Variants in RALGPS1 observed in about 807,000 individuals in gnomAD.
The protein encoded by RALGPS1 is Ral GEF with PH domain and SH3 binding motif 1.
In RALGPS1, 19 loss-of-function variants were observed where a neutral mutation model predicts 78.8. The observed-to-expected ratio is 0.24, with a 90% CI of 0.17 to 0.35. The LOEUF (loss-of-function observed/expected upper bound fraction) is 0.35. Ranked by LOEUF, RALGPS1 falls within the 10% of genes least tolerant of loss-of-function variation. RALGPS1 has a pLI of 1.00. For synonymous variants in RALGPS1, 228 were observed against 256.3 expected (o/e 0.89, Z 1.06); for missense variants, 454 against 688.3 (o/e 0.66, Z 3.81).
intron 4 of RALGPS1, among the ~76,000 whole-genome samples, chr9:127,001,697 A>G (rs1473023821): frequency 1.3e-5 from 2 of 152,132 alleles, no homozygotes; most frequent in Admixed American, 1.3e-4. Flanking sequence ...CAGCCTGGCC[A>G]ACATGGTGAA....
intron 4 of RALGPS1, 101 bp downstream of exon 4, chr9:126,977,846 C>G (rs1358842664): frequency 1.3e-6 from 1 of 785,696 alleles, no homozygotes; most frequent in African/African-American, 1.8e-5. Context: ...CTTGCAGGCT[C>G]TATAAATGCA....
In RALGPS1 at chr9:127,122,143, G is replaced by A. The variant is rs999445388; in HGVS notation, c.611-43926G>A. Among the ~76,000 whole-genome samples the A allele has an allele frequency of 1.3e-5, 2 of 152,174 alleles. No individual in the cohort carries two copies. Among genetic ancestry groups the A allele is most frequent in the African/African-American group, 4.8e-5 (2 of 41,442 alleles). On this transcript the variant is annotated intron_variant, in intron 8 of 18. Transcript: ENST00000259351. This position sits in a 1 kb window ranked among gnomAD's most constrained non-coding sequence, Gnocchi z 6.4. Reference sequence around the variant, plus strand: ...CCCCAAACACCACCAAATGTCCACAGGTTCTGCCCCGGACATGCCTCGTTT... The same window carrying A: ...CCCCAAACACCACCAAATGTCCACAAGTTCTGCCCCGGACATGCCTCGTTT...
intron 6 of RALGPS1, among the ~76,000 whole-genome samples, chr9:127,051,109 A>G (rs1394036920): frequency 6.6e-6 from 1 of 152,198 alleles, no homozygotes; most frequent in East Asian, 1.9e-4. Flanking sequence ...GGTTAAGTGC[A>G]TCATCTATTT....
intron 4 of RALGPS1, among the ~76,000 whole-genome samples, chr9:127,030,532 C>T (rs2046338995): frequency 6.6e-6 from 1 of 151,998 alleles, no homozygotes. Context: ...TACAGGGGAG[C>T]AGAGAGCAGG....
chr9:126,963,363 G>A (rs530535732), intron 2 of RALGPS1, among the ~76,000 whole-genome samples: 64 of 151,394 alleles, frequency 4.2e-4, no homozygotes, highest in South Asian at 6.3e-4. Context: ...GTGTGTGTGT[G>A]TATATATATA....
At position 127,069,366 on chromosome 9, in the gene RALGPS1, T is replaced by G. The variant is rs767651973; in HGVS notation, c.610+10T>G. 1 of 1,612,294 alleles carries G rather than the reference T, an allele frequency of 6.2e-7. No individual in the cohort carries two copies. Among genetic ancestry groups the G allele is most frequent in the Non-Finnish European group, 8.5e-7 (1 of 1,179,338 alleles). Reference sequence around the variant, plus strand: ...AGTATTCCCTATCTAGGTAGGAGTTTGAATTGGCTTATTTTTTTTTAAGAA... The same window carrying G: ...AGTATTCCCTATCTAGGTAGGAGTTGGAATTGGCTTATTTTTTTTTAAGAA... On this transcript the variant is annotated intron_variant, in intron 8 of 18. Coordinates refer to ENST00000259351, the MANE Select transcript of RALGPS1 (RefSeq NM_014636.3).
rs1367899164 is a variant in RALGPS1 at position 127,222,613 on chromosome 9, C to G, written c.*3844C>G. On this transcript the variant is annotated 3_prime_UTR_variant, in exon 19 of 19. Transcript: ENST00000259351. Reference sequence around the variant, plus strand: ...ACACCCCCTGGGCAGCCTCAAAACCCCGCTTACAGCAGCAACACAGGAGAT... The same window carrying G: ...ACACCCCCTGGGCAGCCTCAAAACCGCGCTTACAGCAGCAACACAGGAGAT... 6.6e-6 allele frequency: 1 copy of G among 152,474 alleles called. No homozygotes were observed. Among genetic ancestry groups the G allele is most frequent in the African/African-American group, 2.4e-5 (1 of 41,452 alleles). The allele number at this position is 152,474 out of a possible 1,614,324, so 9.4% of individuals were successfully genotyped here. A position where few individuals can be genotyped will look rare whatever the true frequency, so the allele number is the denominator to read the frequency against.
chr9:127,124,014 C>G (rs1255695908), intron 8 of RALGPS1, among the ~76,000 whole-genome samples: 1 of 152,174 alleles, frequency 6.6e-6, no homozygotes, highest in Admixed American at 6.5e-5. Context: ...CTCCCTGCCC[C>G]TAGGCATCCT....
intron 13 of RALGPS1, among the ~76,000 whole-genome samples, chr9:127,198,683 A>G (rs2061464189): frequency 6.6e-6 from 1 of 152,156 alleles, no homozygotes; most frequent in Non-Finnish European, 1.5e-5. Flanking sequence ...TCCTGGCTTC[A>G]CTTGGGCCAG....
At chr9:127,022,684 G>A (rs770550067) in intron 4 of RALGPS1, among the ~76,000 whole-genome samples, 1 of 151,820 alleles carries the variant, frequency 6.6e-6, no homozygotes, top group African/African-American at 2.4e-5. Context: ...CTGAATCAGG[G>A]TCTTGACCCG....
At chr9:127,160,581 A>G (rs1372411119) in intron 8 of RALGPS1, among the ~76,000 whole-genome samples, 4 of 152,306 alleles carry the variant, frequency 2.6e-5, no homozygotes, top group South Asian at 2.1e-4. Flanking sequence ...GCGGGTGGGC[A>G]TAGCCATGGG....
chr9:127,206,287 T>C (rs1000928143), intron 14 of RALGPS1, among the ~76,000 whole-genome samples: 18 of 152,220 alleles, frequency 1.2e-4, no homozygotes, highest in African/African-American at 3.9e-4. Flanking sequence ...TAGTCTGTTC[T>C]CACGCTGCTA....
chr9:127,073,684 G>A (rs964097289), intron 8 of RALGPS1, among the ~76,000 whole-genome samples: 8 of 152,000 alleles, frequency 5.3e-5, no homozygotes, highest in African/African-American at 1.7e-4. Flanking sequence ...ACTGTTTTCT[G>A]CAGTGGCTGT....
chr9:126,992,268 G>A (rs549952253), intron 4 of RALGPS1, among the ~76,000 whole-genome samples: 4 of 152,206 alleles, frequency 2.6e-5, no homozygotes, highest in African/African-American at 9.6e-5. Context: ...CGTTATTGAG[G>A]TATAATTTAC....
chr9:127,160,907 G>A (rs1055661487), intron 8 of RALGPS1, among the ~76,000 whole-genome samples: 4 of 152,222 alleles, frequency 2.6e-5, no homozygotes, highest in Admixed American at 2.6e-4. Flanking sequence ...AGGTGCCATG[G>A]TAAACACAAT....
chr9:127,038,604 T>C (rs991870589), intron 5 of RALGPS1, among the ~76,000 whole-genome samples: 1 of 152,222 alleles, frequency 6.6e-6, no homozygotes, highest in African/African-American at 2.4e-5. Context: ...CAGTAGTCAT[T>C]GACTGAATAT....
At chr9:127,085,845 G>A (rs1174440596) in intron 8 of RALGPS1, among the ~76,000 whole-genome samples, 2 of 152,166 alleles carry the variant, frequency 1.3e-5, no homozygotes, top group South Asian at 2.1e-4. Flanking sequence ...TGTGTGTGGA[G>A]GGGTGACTAT....
intron 5 of RALGPS1, among the ~76,000 whole-genome samples, chr9:127,047,698 CAA>C (rs539204984): frequency 2.5e-4 from 21 of 84,886 alleles, no homozygotes; most frequent in Non-Finnish European, 2.7e-4. Context: ...GACGCCCTCT[CAA>C]AAAAAAAAAA....
At chr9:126,967,492 T>C (rs1260396809) in intron 3 of RALGPS1, among the ~76,000 whole-genome samples, 1 of 152,224 alleles carries the variant, frequency 6.6e-6, no homozygotes, top group African/African-American at 2.4e-5. Flanking sequence ...CTTACTCTGC[T>C]CTGTTTTTCT....
Sources: gnomAD v4.1 joint callset for allele counts (sites outside exome capture counted in the v4.1 genomes callset) on GRCh38, gnomAD v4.1.1 for gene constraint, Gnocchi (gnomAD v3.1) non-coding constraint, MANE v1.5 for transcripts, NCBI Gene and HGNC (gene_info 2026-07-23, HGNC 2026-07-21) for gene names.